Variants in SLC8A2 observed in about 807,000 individuals in gnomAD.
SLC8A2 encodes sodium/calcium exchanger 2.
Under a neutral mutation model 70.2 loss-of-function variants are expected in SLC8A2, and 14 were observed. The observed-to-expected ratio is 0.20, with a 90% CI of 0.13 to 0.31. The LOEUF is 0.31. SLC8A2 is among the 10% of genes least tolerant of loss of function. SLC8A2 has a pLI of 1.00. For synonymous variants in SLC8A2, 575 were observed against 594.3 expected (o/e 0.97, Z 0.47); for missense variants, 779 against 1,320.1 (o/e 0.59, Z 6.35).
Position 47,448,237 on chromosome 19 carries a change from G to A in SLC8A2, c.1341-6C>T. ...TGAACACCAGCGTGCCCTCGCTGCGGCGGGGTGGGGAGGGGGAAGAGCGGG... is the reference window on the plus strand; with the variant it reads ...TGAACACCAGCGTGCCCTCGCTGCGACGGGGTGGGGAGGGGGAAGAGCGGG... On this transcript the variant is annotated splice_region_variant and splice_polypyrimidine_tract_variant and intron_variant, in intron 3 of 9. Transcript: ENST00000236877. This position sits in a 1 kb window ranked among gnomAD's most constrained non-coding sequence, Gnocchi z 4.8. 6.3e-7 allele frequency: 1 copy of A among 1,584,616 alleles called. No individual in the cohort carries two copies. The highest frequency in any genetic ancestry group is 8.6e-7 in the Non-Finnish European group (1 of 1,161,876).
Position 47,456,953 on chromosome 19 carries a change from C to T in SLC8A2, c.1317G>A (p.Lys439=). Residue 439 remains lysine, a synonymous_variant, in exon 3 of 10, where the codon AAG becomes AAA. Coordinates refer to ENST00000236877, the MANE Select transcript of SLC8A2 (RefSeq NM_015063.3). The part of the protein sequence containing the change: ...VDYRTEDGSA[K]AGSDYEYSEG... Reference sequence around the variant, plus strand: ...ACCTGTACTCGTAGTCGGAGCCCGCCTTGGCAGAGCCGTCCTCAGTGCGGT... The same window carrying T: ...ACCTGTACTCGTAGTCGGAGCCCGCTTTGGCAGAGCCGTCCTCAGTGCGGT... 6.2e-7 allele frequency: 1 copy of T among 1,609,572 alleles called. No individual in the cohort carries two copies.
Position 47,447,622 on chromosome 19 carries a change from C to G in SLC8A2, c.1763+187G>C. On this transcript the variant is annotated intron_variant, in intron 4 of 9. Coordinates refer to ENST00000236877, the MANE Select transcript of SLC8A2 (RefSeq NM_015063.3). This position sits in a 1 kb window ranked among gnomAD's most constrained non-coding sequence, Gnocchi z 5.1. The stretch of plus-strand genomic sequence containing the variant: ...CTGTTCAGTGAAGCCCCGCCCACGT[C>G]GTGGGCATGGGTCACAGGCCCCGCC... The G allele has an allele frequency of 1.5e-5, 6 of 400,942 alleles. No individual in the cohort carries two copies. The highest frequency in any genetic ancestry group is 2.6e-5 in the Non-Finnish European group (6 of 232,248). The allele number at this position is 400,942 out of a possible 1,614,324, so 24.8% of individuals were successfully genotyped here.
At chr19:47,440,252 A>C (rs1244877164) in intron 6 of SLC8A2, among the ~76,000 whole-genome samples, 2 of 152,090 alleles carry the variant, frequency 1.3e-5, no homozygotes, top group African/African-American at 4.8e-5. Flanking sequence ...TCTGACTCTA[A>C]TTCTAATCTG....
intron 6 of SLC8A2, 23 bp downstream of exon 6, chr19:47,441,146 A>G (rs896623806): frequency 2.5e-6 from 4 of 1,612,620 alleles, no homozygotes; most frequent in Admixed American, 1.7e-5. Context: ...CCCCACTCAG[A>G]GCCCAGAGGT....
rs1284789756 is a variant in SLC8A2 at position 47,447,296 on chromosome 19, C to G, written c.1763+513G>C. 6.2e-6 allele frequency: 1 copy of G among 160,556 alleles called. No individual in the cohort carries two copies. Among genetic ancestry groups the G allele is most frequent in the African/African-American group, 2.4e-5 (1 of 41,358 alleles). 9.9% of individuals were successfully genotyped at this position (160,556 alleles called of 1,614,324 possible). A position where few individuals can be genotyped will look rare whatever the true frequency, so the allele number is the denominator to read the frequency against. On this transcript the variant is annotated intron_variant, in intron 4 of 9. Transcript: ENST00000236877. This position sits in a 1 kb window ranked among gnomAD's most constrained non-coding sequence, Gnocchi z 5.1. ...ACCGACAGCGTCTCATCTCCACAAG[C>G]CTCTCCCCACATCTCCCTGGGTACT...
intron 8 of SLC8A2, among the ~76,000 whole-genome samples, chr19:47,435,086 G>A (rs943373285): frequency 6.6e-6 from 1 of 151,924 alleles, no homozygotes; most frequent in Non-Finnish European, 1.5e-5. Flanking sequence ...GTGGGTGCCT[G>A]TAATCCCAGC....
intron 1 of SLC8A2, among the ~76,000 whole-genome samples, chr19:47,469,548 A>G (rs575625100): frequency 4.6e-5 from 7 of 152,292 alleles, no homozygotes; most frequent in African/African-American, 1.7e-4. Context: ...GGTCAAGCAC[A>G]GCCTAGTGCA....
chr19:47,459,982 T>A (rs371883204), intron 2 of SLC8A2, among the ~76,000 whole-genome samples: 2 of 151,768 alleles, frequency 1.3e-5, no homozygotes, highest in East Asian at 3.9e-4. Context: ...ACAGAGCCTG[T>A]GTGTCTTCTG....
chr19:47,452,258 A>G (rs2122635945), intron 3 of SLC8A2, among the ~76,000 whole-genome samples: 1 of 152,160 alleles, frequency 6.6e-6, no homozygotes, highest in South Asian at 2.1e-4. Flanking sequence ...TCTGTCATCC[A>G]GGCTGGAGTG....
chr19:47,442,163 T>G (rs1967107453), intron 4 of SLC8A2, among the ~76,000 whole-genome samples: 1 of 152,080 alleles, frequency 6.6e-6, no homozygotes, highest in South Asian at 2.1e-4. Context: ...AGACAGGATT[T>G]GAACTTACAA....
rs1966931427 is a variant in SLC8A2 at position 47,430,013 on chromosome 19, G to C, written c.*76C>G. ...GAGGCCGAGTCTGGGGGGAAAAGGA[G>C]ACCAGGGTCCAAGAGCAGGTGCAGC... is the stretch of plus-strand genomic sequence containing the variant. On this transcript the variant is annotated 3_prime_UTR_variant, in exon 10 of 10. Coordinates refer to ENST00000236877, the MANE Select transcript of SLC8A2 (RefSeq NM_015063.3). The surrounding 1 kb of genome is among the most constrained non-coding windows in gnomAD (Gnocchi z 5.9). 6.9e-7 allele frequency: 1 copy of C among 1,443,898 alleles called. No individual in the cohort carries two copies. Among genetic ancestry groups the C allele is most frequent in the Non-Finnish European group, 9.3e-7 (1 of 1,080,318 alleles). The allele number at this position is 1,443,898 out of a possible 1,614,324, so 89.4% of individuals were successfully genotyped here.
At chr19:47,461,159 C>T (rs543778206) in intron 2 of SLC8A2, among the ~76,000 whole-genome samples, 1 of 151,172 alleles carries the variant, frequency 6.6e-6, no homozygotes, top group East Asian at 1.9e-4. Flanking sequence ...CACTGCACTC[C>T]AGCCTGGCGA....
chr19:47,444,625 T>A (rs1967137739), intron 4 of SLC8A2, among the ~76,000 whole-genome samples: 1 of 152,066 alleles, frequency 6.6e-6, no homozygotes, highest in South Asian at 2.1e-4. Context: ...CCTCTGTCGC[T>A]CACTCTCGCA....
At position 47,428,426 on chromosome 19, in the gene SLC8A2, T is replaced by A. The variant is rs1966902189; in HGVS notation, c.*1663A>T. The A allele has an allele frequency of 7.2e-6, 1 of 139,620 alleles. No homozygotes were observed. Among genetic ancestry groups the A allele is most frequent in the South Asian group, 2.3e-4 (1 of 4,272 alleles). 8.6% of individuals were successfully genotyped at this position (139,620 alleles called of 1,614,324 possible). The stretch of plus-strand genomic sequence containing the variant: ...GACTGATGGATGGGGGTGTGGCTAG[T>A]GGAAGAGCTAGGCTGACGGATGGGG... On this transcript the variant is annotated 3_prime_UTR_variant, in exon 10 of 10. Coordinates refer to ENST00000236877, the MANE Select transcript of SLC8A2 (RefSeq NM_015063.3).
rs1240672664 is a variant in SLC8A2 at position 47,465,724 on chromosome 19, C to T, written c.675+5G>A. On this transcript the variant is annotated splice_donor_5th_base_variant and intron_variant, in intron 2 of 9. Transcript: ENST00000236877. The surrounding 1 kb of genome is among the most constrained non-coding windows in gnomAD (Gnocchi z 5.5). ...CCAAGAAAGCATCTATGCGTCTTTG[C>T]TCACCTGGACCACACCGGGGGAAAA... is the stretch of plus-strand genomic sequence containing the variant. 6.2e-7 allele frequency: 1 copy of T among 1,602,964 alleles called. No homozygotes were observed.
chr19:47,443,609 C>T (rs1015550769), intron 4 of SLC8A2, among the ~76,000 whole-genome samples: 1 of 152,234 alleles, frequency 6.6e-6, no homozygotes, highest in Non-Finnish European at 1.5e-5. Flanking sequence ...CACGACTCCC[C>T]CACCACAGCC....
chr19:47,436,254 G>C (rs757239022), intron 8 of SLC8A2, among the ~76,000 whole-genome samples: 1 of 152,136 alleles, frequency 6.6e-6, no homozygotes, highest in African/African-American at 2.4e-5. Context: ...GTTAGGAACC[G>C]CATCAGGGCT....
intron 3 of SLC8A2, among the ~76,000 whole-genome samples, chr19:47,450,940 G>A (rs942628066): frequency 2.0e-5 from 3 of 151,724 alleles, no homozygotes; most frequent in Non-Finnish European, 4.4e-5. Context: ...TAAAAGTCAT[G>A]GGATATGAGA....
chr19:47,444,384 C>A (rs1410121988), intron 4 of SLC8A2, among the ~76,000 whole-genome samples: 1 of 152,168 alleles, frequency 6.6e-6, no homozygotes, highest in Non-Finnish European at 1.5e-5. Flanking sequence ...ACAAGACGGC[C>A]ATGTGGGGAC....
Sources: gnomAD v4.1 joint callset for allele counts (sites outside exome capture counted in the v4.1 genomes callset) on GRCh38, gnomAD v4.1.1 for gene constraint, Gnocchi (gnomAD v3.1) non-coding constraint, MANE v1.5 for transcripts, NCBI Gene and HGNC (gene_info 2026-07-23, HGNC 2026-07-21) for gene names.